APBA2: variants seen among roughly 807,000 people sequenced by gnomAD.
The protein encoded by APBA2 is amyloid-beta A4 precursor protein-binding family A member 2.
APBA2 carries 30 observed loss-of-function variants against 75.0 expected under a neutral mutation model. The observed-to-expected ratio is 0.40, with a 90% confidence interval of 0.30 to 0.54. The LOEUF (loss-of-function observed/expected upper bound fraction) is 0.54. Ranked by LOEUF, APBA2 falls within the 20% of genes least tolerant of loss-of-function variation. APBA2 has a pLI of 0.49. For synonymous variants in APBA2, 444 were observed against 409.6 expected, an observed-to-expected ratio of 1.08 and a Z score of -1.01; for missense variants, 801 against 1,016.1, an observed-to-expected ratio of 0.79 and a Z score of 2.88.
chr15:29,047,991 T>G (rs1192010087), intron 3 of APBA2, among the ~76,000 whole-genome samples: 1 of 152,172 alleles, frequency 6.6e-6, no homozygotes, highest in Non-Finnish European at 1.5e-5. Context: ...CATTTAAGAC[T>G]TCAATAAATA....
At chr15:29,062,475 CAG>C (rs1447582280) in intron 4 of APBA2, among the ~76,000 whole-genome samples, 1 of 152,140 alleles carries the variant, frequency 6.6e-6, no homozygotes, top group African/African-American at 2.4e-5. Flanking sequence ...ACTTGATGTT[CAG>C]AAGCTCAGGG....
chr15:29,013,294 T>A (rs1470386888), intron 3 of APBA2, among the ~76,000 whole-genome samples: 1 of 148,414 alleles, frequency 6.7e-6, no homozygotes, highest in Non-Finnish European at 1.5e-5. Flanking sequence ...TTTTTTTTTT[T>A]TTTGAGACAG....
intron 1 of APBA2, among the ~76,000 whole-genome samples, 197 bp downstream of exon 1, chr15:28,886,475 T>G (rs1415242247): frequency 8.4e-6 from 1 of 119,096 alleles, no homozygotes; most frequent in Non-Finnish European, 1.7e-5. Flanking sequence ...GCGGCCCCAC[T>G]CCTCTCTGAC....
At chr15:29,047,690 G>C (rs2041403426) in intron 3 of APBA2, among the ~76,000 whole-genome samples, 1 of 152,196 alleles carries the variant, frequency 6.6e-6, no homozygotes, top group Non-Finnish European at 1.5e-5. Context: ...GGGCAGGGTA[G>C]TTAGACAAGA....
chr15:29,030,443 C>T (rs2040432677), intron 3 of APBA2, among the ~76,000 whole-genome samples: 1 of 151,760 alleles, frequency 6.6e-6, no homozygotes, highest in African/African-American at 2.4e-5. Flanking sequence ...GCCTGGGCCA[C>T]AGAGCCAGAC....
At chr15:28,946,004 A>G (rs2035530469) in intron 2 of APBA2, among the ~76,000 whole-genome samples, 1 of 152,206 alleles carries the variant, frequency 6.6e-6, no homozygotes, top group Non-Finnish European at 1.5e-5. Flanking sequence ...AGCAGTGGAT[A>G]ACAAGCCTAT....
intron 2 of APBA2, among the ~76,000 whole-genome samples, chr15:28,944,363 A>C (rs546615437): frequency 1.1e-4 from 16 of 151,974 alleles, no homozygotes; most frequent in African/African-American, 3.6e-4. Context: ...CCTTGGATTT[A>C]CCTCCGTGTC....
At position 29,054,083 on chromosome 15, in the gene APBA2, A is replaced by G; in HGVS notation, c.199A>G (p.Ser67Gly). The G allele has an allele frequency of 6.2e-7, 1 of 1,614,052 alleles. No homozygotes were observed. The highest frequency in any genetic ancestry group is 8.5e-7 in the Non-Finnish European group (1 of 1,180,018). The change falls in exon 4 of 15, where the codon AGC (serine) becomes GGC (glycine). Residue 67 changes from serine to glycine, a missense_variant. Physicochemically the swap from Ser to Gly is moderately conservative, Grantham distance 56. Transcript: ENST00000683413. The surrounding 1 kb of genome is among the most constrained non-coding windows in gnomAD (Gnocchi z 6.1). ...AGAGGAACAGGAGTGCCACAACCACAGCCCCGATGGGGACTCCAGCTCTGA... is the reference window on the plus strand; with the variant it reads ...AGAGGAACAGGAGTGCCACAACCACGGCCCCGATGGGGACTCCAGCTCTGA... ...APEEQECHNHSPDGDSSSDYV... is the reference protein window; with the variant it reads ...APEEQECHNHGPDGDSSSDYV...
intron 2 of APBA2, among the ~76,000 whole-genome samples, chr15:28,995,214 C>A (rs2038452229): frequency 6.6e-6 from 1 of 152,174 alleles, no homozygotes; most frequent in Non-Finnish European, 1.5e-5. Context: ...AGTCTGAGAC[C>A]TGGTGGCCTC....
chr15:29,055,140 C>T (rs1277048481), intron 4 of APBA2, among the ~76,000 whole-genome samples: 2 of 152,140 alleles, frequency 1.3e-5, no homozygotes, highest in Non-Finnish European at 2.9e-5. Flanking sequence ...GCCCACTGCC[C>T]TGGTCTGCTC....
At chr15:28,998,595 A>G (rs1056032824) in intron 3 of APBA2, among the ~76,000 whole-genome samples, 8 of 152,130 alleles carry the variant, frequency 5.3e-5, no homozygotes, top group African/African-American at 1.9e-4. Flanking sequence ...GAGACCCCCA[A>G]GCAGTGAGGT....
intron 6 of APBA2, among the ~76,000 whole-genome samples, chr15:29,088,635 G>A (rs1426667324): frequency 6.6e-6 from 1 of 152,142 alleles, no homozygotes; most frequent in Non-Finnish European, 1.5e-5. Flanking sequence ...CATGTGCTGG[G>A]ATGGCTACAG....
chr15:29,054,917 AAGC>A lies in APBA2; in HGVS notation c.951+83_951+85del. On this transcript the variant is annotated intron_variant, in intron 4 of 14. Transcript: ENST00000683413. This position sits in a 1 kb window ranked among gnomAD's most constrained non-coding sequence, Gnocchi z 6.1. ...CAGGGTACAGGCCTTGCAGATGCTG[AAGC>A]GAGGCGGTGGGGGGTGCTGGGTGCC... 2 of 1,371,848 alleles carry A rather than the reference AAGC, an allele frequency of 1.5e-6. No individual in the cohort carries two copies. The highest frequency in any genetic ancestry group is 2.0e-6 in the Non-Finnish European group (2 of 996,926). 85.0% of individuals were successfully genotyped at this position (1,371,848 alleles called of 1,614,324 possible).
intron 2 of APBA2, among the ~76,000 whole-genome samples, chr15:28,955,098 A>G (rs2036096623): frequency 6.6e-6 from 1 of 152,152 alleles, no homozygotes. Context: ...AACAGAGCCT[A>G]GAATTATAGG....
intron 2 of APBA2, among the ~76,000 whole-genome samples, chr15:28,932,220 C>T (rs2034602064): frequency 6.6e-6 from 1 of 152,110 alleles, no homozygotes; most frequent in African/African-American, 2.4e-5. Context: ...TCACATTCAC[C>T]AGGGAGCAGG....
chr15:28,993,580 G>A (rs1213741377), intron 2 of APBA2, among the ~76,000 whole-genome samples: 1 of 152,104 alleles, frequency 6.6e-6, no homozygotes, highest in African/African-American at 2.4e-5. Flanking sequence ...GTTCTAAATG[G>A]AGTGAAGACA....
At chr15:29,016,258 AAAAC>A (rs1458734628) in intron 3 of APBA2, among the ~76,000 whole-genome samples, 5 of 152,222 alleles carry the variant, frequency 3.3e-5, no homozygotes, top group Non-Finnish European at 7.3e-5. Flanking sequence ...TCAGTCTCAA[AAAAC>A]AAACAAACAA....
chr15:28,895,780 A>T (rs1225778441), intron 1 of APBA2, among the ~76,000 whole-genome samples: 1 of 151,984 alleles, frequency 6.6e-6, no homozygotes, highest in African/African-American at 2.4e-5. Flanking sequence ...TTCATGCGCC[A>T]TAACTGGAAA....
intron 6 of APBA2, among the ~76,000 whole-genome samples, chr15:29,087,347 C>T (rs114544886): frequency 2.4e-4 from 36 of 152,260 alleles, no homozygotes; most frequent in African/African-American, 5.8e-4. Flanking sequence ...CAACTCTGTG[C>T]GTTTTCTTGA....
Sources: gnomAD v4.1 joint callset for allele counts (sites outside exome capture counted in the v4.1 genomes callset) on GRCh38, gnomAD v4.1.1 for gene constraint, Gnocchi (gnomAD v3.1) non-coding constraint, MANE v1.5 for transcripts, NCBI Gene and HGNC (gene_info 2026-07-23, HGNC 2026-07-21) for gene names.